Variants in FDFT1 observed in about 807,000 individuals in gnomAD.
FDFT1 encodes the protein squalene synthase.
FDFT1 carries 68 observed loss-of-function variants against 46.8 expected under a neutral mutation model. The ratio of observed to expected loss-of-function variants is 1.45; its 90% CI spans 1.19 to 1.78. The LOEUF (loss-of-function observed/expected upper bound fraction) is 1.78. Ranked by LOEUF, FDFT1 falls within the 40% of genes most tolerant of loss-of-function variation. The probability of loss-of-function intolerance (pLI) is 0.00; values close to 1 mark genes in which losing one functional copy is unlikely to be tolerated. For synonymous variants in FDFT1, 351 were observed against 185.1 expected (o/e 1.90, Z -7.28); for missense variants, 928 against 524.4 (o/e 1.77, Z -7.52).
chr8:11,831,444 T>A, intron 6 of FDFT1, 74 bp from the exon 7 acceptor site: 1 of 1,407,344 alleles, frequency 7.1e-7, no homozygotes, highest in Non-Finnish European at 9.9e-7. Context: ...ACAGAAGGTT[T>A]TCTTACCTTT....
chr8:11,798,705 C>T (rs1805810808), upstream of FDFT1, among the ~76,000 whole-genome samples: 1 of 152,146 alleles, frequency 6.6e-6, no homozygotes, highest in African/African-American at 2.4e-5. Flanking sequence ...CCATCGTGTC[C>T]TATACGCAGC....
chr8:11,838,004 A>G (rs970229018), intron 7 of FDFT1, among the ~76,000 whole-genome samples: 1 of 152,154 alleles, frequency 6.6e-6, no homozygotes, highest in African/African-American at 2.4e-5. Context: ...GCTTTTGCCC[A>G]GTCTTTCCAG....
chr8:11,802,134 C>T (rs1385268858), upstream of FDFT1: 3 of 453,898 alleles, frequency 6.6e-6, no homozygotes, highest in East Asian at 1.4e-4. Flanking sequence ...AGCTGAAGCT[C>T]CAGGAGTGTG....
At chr8:11,832,308 A>C (rs1381220843) in intron 7 of FDFT1, among the ~76,000 whole-genome samples, 1 of 152,032 alleles carries the variant, frequency 6.6e-6, no homozygotes, top group Non-Finnish European at 1.5e-5. Flanking sequence ...AAATCCCAGC[A>C]CTTTGGGAGA....
intron 7 of FDFT1, among the ~76,000 whole-genome samples, chr8:11,836,663 A>T (rs1352073055): frequency 1.3e-5 from 2 of 152,254 alleles, no homozygotes; most frequent in African/African-American, 2.4e-5. Flanking sequence ...ACAAGCAGTA[A>T]AGCAACATGG....
intron 7 of FDFT1, among the ~76,000 whole-genome samples, chr8:11,837,473 C>G (rs1811704512): frequency 6.6e-6 from 1 of 152,184 alleles, no homozygotes; most frequent in African/African-American, 2.4e-5. Context: ...CTTAAGCAGT[C>G]TACGTGCCTC....
chr8:11,832,112 C>G (rs1024159655), intron 7 of FDFT1, among the ~76,000 whole-genome samples: 4 of 152,156 alleles, frequency 2.6e-5, no homozygotes. Flanking sequence ...TGAAAAATCA[C>G]AGTAGGGAAT....
At chr8:11,836,084 T>A (rs1256805206) in intron 7 of FDFT1, among the ~76,000 whole-genome samples, 1 of 147,286 alleles carries the variant, frequency 6.8e-6, no homozygotes, top group Non-Finnish European at 1.5e-5. Flanking sequence ...ACCTGGGAAG[T>A]GGAGGCTGCA....
chr8:11,829,228 T>G (rs2130863028), intron 5 of FDFT1, among the ~76,000 whole-genome samples: 1 of 152,366 alleles, frequency 6.6e-6, no homozygotes, highest in Middle Eastern at 3.4e-3. Flanking sequence ...GAATTTGCCA[T>G]TTTAACTATT....
chr8:11,809,284 T>TTGCCTTTA, intron 2 of FDFT1: 1 of 1,096,630 alleles, frequency 9.1e-7, no homozygotes, highest in Non-Finnish European at 1.1e-6. Flanking sequence ...CTTAGACCAG[T>TTGCCTTTA]TGCCTTTATG....
intron 7 of FDFT1, among the ~76,000 whole-genome samples, chr8:11,835,417 T>G (rs1321937267): frequency 6.6e-6 from 1 of 152,204 alleles, no homozygotes; most frequent in East Asian, 1.9e-4. Context: ...GTCATGCTTA[T>G]ATGTTAGAAA....
In FDFT1 at chr8:11,838,548, G is replaced by T. The variant is rs760167733; in HGVS notation, c.1193G>T (p.Trp398Leu). Residue 398 changes from tryptophan (W) to leucine (L), a missense_variant, in exon 8 of 8, where the codon TGG (tryptophan) becomes TTG (leucine). Transcript: ENST00000220584. ...SFVMLLAALS[W>L]QYLTTLSQVT... Reference sequence around the variant, plus strand: ...GTCATGCTTTTGGCTGCCCTGAGCTGGCAGTACCTGACCACTCTCTCCCAG... The same window carrying T: ...GTCATGCTTTTGGCTGCCCTGAGCTTGCAGTACCTGACCACTCTCTCCCAG... 4 of 1,613,000 alleles carry T rather than the reference G, an allele frequency of 2.5e-6. No homozygotes were observed. The highest frequency in any genetic ancestry group is 3.4e-6 in the Non-Finnish European group (4 of 1,179,644).
chr8:11,806,905 C>T (rs1361257023), intron 1 of FDFT1, among the ~76,000 whole-genome samples: 1 of 152,090 alleles, frequency 6.6e-6, no homozygotes, highest in Non-Finnish European at 1.5e-5. Flanking sequence ...TATTATGGTG[C>T]CCAGTAAATA....
chr8:11,832,074 G>A (rs1003801302), intron 7 of FDFT1, among the ~76,000 whole-genome samples: 7 of 152,124 alleles, frequency 4.6e-5, no homozygotes, highest in African/African-American at 1.7e-4. Flanking sequence ...ACCCAGTCTG[G>A]TACTTTCATT....
chr8:11,838,336 TGGAAA>T, intron 7 of FDFT1, 47 bp from the exon 8 acceptor site: 1 of 1,410,054 alleles, frequency 7.1e-7, no homozygotes. Context: ...TAAGTAGCCA[TGGAAA>T]ATGTAAAGCA....
intron 1 of FDFT1, 122 bp from the exon 2 acceptor site, chr8:11,808,671 CG>C: frequency 6.8e-7 from 1 of 1,479,708 alleles, no homozygotes; most frequent in Non-Finnish European, 9.0e-7. Flanking sequence ...GGACTGGCCT[CG>C]GGGAGAGGGC....
chr8:11,813,854 C>T (rs1440703033), intron 3 of FDFT1, among the ~76,000 whole-genome samples: 1 of 152,178 alleles, frequency 6.6e-6, no homozygotes, highest in African/African-American at 2.4e-5. Flanking sequence ...ATGGTCGTAT[C>T]CGGGGAACAT....
chr8:11,811,019 T>A lies in FDFT1; in HGVS notation c.381+1169T>A, dbSNP rs116029625. On this transcript the variant is annotated intron_variant, in intron 3 of 7. Transcript: ENST00000220584. Reference sequence around the variant, plus strand: ...TGTTTCAGATTGCTGAGATCAGACCTTAAGTACCAAAGCCCAAATATAGTA... The same window carrying A: ...TGTTTCAGATTGCTGAGATCAGACCATAAGTACCAAAGCCCAAATATAGTA... 7.2e-4 allele frequency among the ~76,000 whole-genome samples: 109 copies of A among 151,054 alleles called. 1 individual carries two copies. The highest frequency in any genetic ancestry group is 2.4e-3 in the African/African-American group (98 of 41,138).
upstream of FDFT1, among the ~76,000 whole-genome samples, chr8:11,797,380 C>G (rs990250609): frequency 1.3e-5 from 2 of 152,174 alleles, no homozygotes; most frequent in African/African-American, 4.8e-5. Flanking sequence ...ATTAGGGGCT[C>G]TCTAACAAAT....
Sources: gnomAD v4.1 joint callset for allele counts (sites outside exome capture counted in the v4.1 genomes callset) on GRCh38, gnomAD v4.1.1 for gene constraint, MANE v1.5 for transcripts, NCBI Gene and HGNC (gene_info 2026-07-23, HGNC 2026-07-21) for gene names.